Variants in LRRC7 observed in about 807,000 individuals in gnomAD.
The protein encoded by LRRC7 is leucine rich repeat containing 7, also known as leucine-rich repeat-containing protein 7.
LRRC7 carries 23 observed loss-of-function variants against 175.7 expected under a neutral mutation model. That is an observed-to-expected ratio of 0.13 (90% CI 0.09 to 0.19). The LOEUF is 0.19. LRRC7 is among the 10% of genes least tolerant of loss of function. The pLI, the probability that LRRC7 is intolerant of heterozygous loss-of-function variation, is 1.00. For missense variants in LRRC7, 1,354 were observed against 1,904.7 expected, an observed-to-expected ratio of 0.71 and a Z score of 5.38; for synonymous variants, 685 against 680.9, an observed-to-expected ratio of 1.01 and a Z score of -0.09.
chr1:69,871,557 TATA>T (rs1685545806), intron 7 of LRRC7, among the ~76,000 whole-genome samples: 1 of 152,036 alleles, frequency 6.6e-6, no homozygotes, highest in Non-Finnish European at 1.5e-5. Flanking sequence ...AATATAAAAA[TATA>T]ATATTCTTTG....
At chr1:69,702,210 G>T (rs966903233) in intron 2 of LRRC7, among the ~76,000 whole-genome samples, 1 of 152,134 alleles carries the variant, frequency 6.6e-6, no homozygotes, top group Non-Finnish European at 1.5e-5. Flanking sequence ...ATCACACACC[G>T]TATTTAATCA....
At chr1:69,584,325 T>C (rs576319978) in intron 1 of LRRC7, among the ~76,000 whole-genome samples, 1 of 152,260 alleles carries the variant, frequency 6.6e-6, no homozygotes, top group East Asian at 1.9e-4. Context: ...CTAACCTCCG[T>C]TACTCCCTTG....
At chr1:69,882,667 G>C (rs1686745628) in intron 7 of LRRC7, among the ~76,000 whole-genome samples, 2 of 150,390 alleles carry the variant, frequency 1.3e-5, no homozygotes, top group South Asian at 2.1e-4. Flanking sequence ...ACATTGTGCA[G>C]GTTAGTTACA....
chr1:69,658,304 AATTT>A (rs1254069706), intron 1 of LRRC7, among the ~76,000 whole-genome samples: 9 of 151,934 alleles, frequency 5.9e-5, no homozygotes, highest in African/African-American at 2.2e-4. Flanking sequence ...ATGACAACTG[AATTT>A]ATTTGTTTTT....
Position 70,126,718 on chromosome 1 carries a change from C to T in LRRC7, c.*4831C>T, listed in dbSNP as rs1363468246. The stretch of plus-strand genomic sequence containing the variant: ...ATGTGGGTCACTATTACAGGAGATC[C>T]TGAGTGTCAGCTCCATTTTGATCTA... On this transcript the variant is annotated 3_prime_UTR_variant, in exon 27 of 27. Transcript: ENST00000651989. 2.0e-5 allele frequency among the ~76,000 whole-genome samples: 3 copies of T among 152,182 alleles called. No homozygotes were observed. Among genetic ancestry groups the T allele is most frequent in the African/African-American group, 7.2e-5 (3 of 41,442 alleles).
At chr1:69,681,551 C>T (rs1405978797) in intron 2 of LRRC7, among the ~76,000 whole-genome samples, 1 of 152,090 alleles carries the variant, frequency 6.6e-6, no homozygotes, top group African/African-American at 2.4e-5. Flanking sequence ...CTGCATCCGG[C>T]ATAGTCAAAT....
intron 7 of LRRC7, among the ~76,000 whole-genome samples, chr1:69,855,860 G>C (rs375996897): frequency 6.6e-6 from 1 of 152,196 alleles, no homozygotes; most frequent in African/African-American, 2.4e-5. Context: ...TTGTTGAATT[G>C]ATCCCTATAC....
intron 1 of LRRC7, among the ~76,000 whole-genome samples, chr1:69,670,565 G>A (rs540304298): frequency 4.6e-5 from 7 of 152,320 alleles, no homozygotes; most frequent in Middle Eastern, 3.4e-3. Flanking sequence ...AGGTAGTGAA[G>A]TCAGTCAGGC....
intron 10 of LRRC7, among the ~76,000 whole-genome samples, chr1:69,992,981 C>T (rs1360761051): frequency 6.6e-6 from 1 of 152,142 alleles, no homozygotes; most frequent in African/African-American, 2.4e-5. Flanking sequence ...AACCCACATA[C>T]AGCTCCACTG....
chr1:69,805,673 C>A (rs550419667), intron 4 of LRRC7, among the ~76,000 whole-genome samples: 2 of 151,962 alleles, frequency 1.3e-5, no homozygotes, highest in East Asian at 3.9e-4. Context: ...AGGATTGACT[C>A]CTTCTGTTTC....
intron 7 of LRRC7, among the ~76,000 whole-genome samples, chr1:69,857,899 G>C (rs899894048): frequency 6.6e-6 from 1 of 152,092 alleles, no homozygotes; most frequent in Non-Finnish European, 1.5e-5. Context: ...CATGGTACTC[G>C]TACCAAAACA....
At chr1:69,780,585 C>A (rs556470640) in intron 3 of LRRC7, among the ~76,000 whole-genome samples, 41 of 152,136 alleles carry the variant, frequency 2.7e-4, no homozygotes, top group African/African-American at 9.9e-4. Context: ...TACAATTTCA[C>A]CAAGTATGTA....
At chr1:69,678,258 C>T (rs1295969868) in intron 1 of LRRC7, 123 bp from the exon 2 acceptor site, 7 of 663,956 alleles carry the variant, frequency 1.1e-5, no homozygotes, top group Admixed American at 2.5e-5. Flanking sequence ...TGCTCCTTGC[C>T]GGATCATCTT....
intron 22 of LRRC7, among the ~76,000 whole-genome samples, chr1:70,046,693 C>T (rs1261279058): frequency 2.0e-5 from 3 of 152,114 alleles, no homozygotes; most frequent in African/African-American, 7.2e-5. Context: ...CCTTATCAGG[C>T]ACTGGATAGT....
intron 1 of LRRC7, among the ~76,000 whole-genome samples, chr1:69,633,408 AT>A (rs905668528): frequency 6.6e-6 from 1 of 150,442 alleles, no homozygotes; most frequent in African/African-American, 2.4e-5. Flanking sequence ...TGTGCTTTTA[AT>A]TTTTTTTGTT....
intron 2 of LRRC7, among the ~76,000 whole-genome samples, chr1:69,679,364 G>A (rs928932936): frequency 5.3e-5 from 8 of 152,062 alleles, no homozygotes; most frequent in Admixed American, 3.9e-4. Flanking sequence ...TTATATTGGC[G>A]TTTTTAAATT....
chr1:69,657,680 T>C (rs1656855034), intron 1 of LRRC7, among the ~76,000 whole-genome samples: 1 of 151,876 alleles, frequency 6.6e-6, no homozygotes, highest in Non-Finnish European at 1.5e-5. Context: ...AGAGAAAGCA[T>C]AGGAAGAAAG....
chr1:69,818,480 T>C (rs1159783645), intron 4 of LRRC7, among the ~76,000 whole-genome samples: 2 of 152,254 alleles, frequency 1.3e-5, no homozygotes, highest in South Asian at 2.1e-4. Context: ...CTATGGTATA[T>C]GATCCTTTTA....
chr1:69,732,130 G>A (rs1667641728), intron 2 of LRRC7, among the ~76,000 whole-genome samples: 1 of 151,942 alleles, frequency 6.6e-6, no homozygotes, highest in South Asian at 2.1e-4. Context: ...TGTTACAAAA[G>A]TAATTCCAAT....
Sources: gnomAD v4.1 joint callset for allele counts (sites outside exome capture counted in the v4.1 genomes callset) on GRCh38, gnomAD v4.1.1 for gene constraint, MANE v1.5 for transcripts, NCBI Gene and HGNC (gene_info 2026-07-23, HGNC 2026-07-21) for gene names.